Variants in DHRSX observed in about 807,000 individuals in gnomAD.
DHRSX encodes the protein polyprenol dehydrogenase.
A neutral mutation model predicts 34.0 loss-of-function variants in DHRSX; 31 were observed. That is an observed-to-expected ratio of 0.91 (90% confidence interval 0.69 to 1.23). The LOEUF (loss-of-function observed/expected upper bound fraction) is 1.23, where lower values mean the gene tolerates loss of function less well. DHRSX is among the 50% of genes most tolerant of loss of function. The pLI, the probability that DHRSX is intolerant of heterozygous loss-of-function variation, is 0.00. For synonymous variants in DHRSX, 201 were observed against 183.8 expected (o/e 1.09, Z -0.76); for missense variants, 414 against 428.1 (o/e 0.97, Z 0.29).
At chrX:2,488,936 AG>A in intron 1 of DHRSX, 1 of 1,598,862 alleles carries the variant, frequency 6.3e-7, no homozygotes. Context: ...GAAGAGGGCC[AG>A]GCGGTCTGAC....
intron 6 of DHRSX, among the ~76,000 whole-genome samples, chrX:2,232,386 A>G (rs1282899001): frequency 1.3e-5 from 2 of 152,100 alleles, no homozygotes; most frequent in Non-Finnish European, 2.9e-5. Flanking sequence ...TAGAGCATTC[A>G]TATGGAATTA....
At chrX:2,452,242 T>C (rs2044231730) in intron 1 of DHRSX, among the ~76,000 whole-genome samples, 2 of 151,216 alleles carry the variant, frequency 1.3e-5, no homozygotes. Flanking sequence ...TGCTGCCATG[T>C]GCACATTGAA....
At chrX:2,253,984 C>T (rs1403577571) in intron 5 of DHRSX, among the ~76,000 whole-genome samples, 1 of 152,016 alleles carries the variant, frequency 6.6e-6, no homozygotes, top group Non-Finnish European at 1.5e-5. Flanking sequence ...TGGCGTGAAC[C>T]CGGAAGGCGG....
intron 3 of DHRSX, among the ~76,000 whole-genome samples, chrX:2,338,467 G>T (rs2042598106): frequency 6.6e-6 from 1 of 151,964 alleles, no homozygotes; most frequent in African/African-American, 2.4e-5. Context: ...AGGTTAAAAT[G>T]TAAGCCTCAG....
chrX:2,478,501 C>A (rs979057311), intron 1 of DHRSX, among the ~76,000 whole-genome samples: 2 of 151,658 alleles, frequency 1.3e-5, no homozygotes, highest in African/African-American at 4.8e-5. Context: ...CAAGGGACTG[C>A]ACTAAAGATG....
intron 3 of DHRSX, among the ~76,000 whole-genome samples, chrX:2,303,809 ATGGGTGGG>A: frequency 2.8e-5 from 1 of 36,212 alleles, no homozygotes; most frequent in South Asian, 8.4e-4. Flanking sequence ...GGGTGGGTGG[ATGGGTGGG>A]TGGATGGGTG....
At chrX:2,469,277 A>C in intron 1 of DHRSX, among the ~76,000 whole-genome samples, 1 of 144,704 alleles carries the variant, frequency 6.9e-6, no homozygotes, top group African/African-American at 2.6e-5. Flanking sequence ...AGGGACTGCC[A>C]CCGTGTACAC....
chrX:2,449,131 G>A (rs2044181359), intron 1 of DHRSX, among the ~76,000 whole-genome samples: 1 of 151,854 alleles, frequency 6.6e-6, no homozygotes, highest in South Asian at 2.1e-4. Flanking sequence ...GGAGGTTGCA[G>A]TGAGCTAAGA....
Position 2,221,061 on chromosome X carries a change from C to T in DHRSX, c.973G>A (p.Val325Ile). Residue 325 changes from valine (V) to isoleucine (I), a missense_variant, in exon 7 of 7, where the codon GTC becomes ATC. Physicochemically the swap from Val to Ile is conservative, Grantham distance 29. Coordinates refer to ENST00000334651, the MANE Select transcript of DHRSX (RefSeq NM_145177.3). ...GGATATCACAGGGTCACATCAAGGA[C>T]CCCAGTCATCTCACAACTCTTAGAC... The part of the protein sequence containing the change: ...LWSKSCEMTG[V>I]LDVTL 6.2e-7 allele frequency: 1 copy of T among 1,613,820 alleles called. No homozygotes were observed. The highest frequency in any genetic ancestry group is 8.5e-7 in the Non-Finnish European group (1 of 1,179,814).
intron 3 of DHRSX, among the ~76,000 whole-genome samples, chrX:2,319,949 G>A (rs779148315): frequency 1.4e-4 from 21 of 151,544 alleles, no homozygotes; most frequent in African/African-American, 4.1e-4. Flanking sequence ...CTGCCTCAGC[G>A]TCATGAGTAG....
In DHRSX at chrX:2,445,637, G is replaced by T. The variant is rs186282994; in HGVS notation, c.110-20333C>A. 2.4e-3 allele frequency among the ~76,000 whole-genome samples: 364 copies of T among 152,084 alleles called. 2 individuals carry two copies. The highest frequency in any genetic ancestry group is 8.3e-3 in the African/African-American group (344 of 41,504). The stretch of plus-strand genomic sequence containing the variant: ...CAAGGAAGAGGTTCCCTAAGAATGC[G>T]GCCAAGGGACCACCGCCATGTACAC... On this transcript the variant is annotated intron_variant, in intron 1 of 6. Transcript: ENST00000334651.
At chrX:2,481,827 AC>A (rs67784730) in intron 1 of DHRSX, among the ~76,000 whole-genome samples, 45,966 of 151,738 alleles carry the variant, frequency 0.3, 7,504 homozygotes, top group African/African-American at 0.41. Context: ...CCTAACACAC[AC>A]CATGGCAGGG....
At chrX:2,342,234 G>A (rs1000048346) in intron 3 of DHRSX, among the ~76,000 whole-genome samples, 18 of 152,104 alleles carry the variant, frequency 1.2e-4, no homozygotes, top group Non-Finnish European at 2.2e-4. Flanking sequence ...GAAAATAAAT[G>A]CTGAGATGAG....
chrX:2,318,403 A>G (rs2042266455), intron 3 of DHRSX, among the ~76,000 whole-genome samples: 1 of 152,042 alleles, frequency 6.6e-6, no homozygotes, highest in Admixed American at 6.6e-5. Flanking sequence ...GACCACTGGC[A>G]TGAGAGGAGG....
At chrX:2,394,769 G>A (rs1297384023) in intron 3 of DHRSX, among the ~76,000 whole-genome samples, 1 of 152,178 alleles carries the variant, frequency 6.6e-6, no homozygotes, top group Non-Finnish European at 1.5e-5. Flanking sequence ...AGTAGGCTGA[G>A]GCGGGAGAAT....
chrX:2,404,826 T>A (rs1164241929), intron 3 of DHRSX, among the ~76,000 whole-genome samples: 1 of 151,992 alleles, frequency 6.6e-6, no homozygotes, highest in Non-Finnish European at 1.5e-5. Flanking sequence ...TCGGTACAAA[T>A]AAATAATTAA....
intron 1 of DHRSX, among the ~76,000 whole-genome samples, chrX:2,455,138 C>T (rs1052568371): frequency 6.6e-6 from 1 of 151,756 alleles, no homozygotes; most frequent in Non-Finnish European, 1.5e-5. Flanking sequence ...GGATGATGTC[C>T]TTTGCAGGAA....
At chrX:2,319,159 T>A (rs968786973) in intron 3 of DHRSX, among the ~76,000 whole-genome samples, 2 of 151,894 alleles carry the variant, frequency 1.3e-5, no homozygotes, top group Non-Finnish European at 2.9e-5. Context: ...ACTGAGCAGA[T>A]TCACCCATTT....
chrX:2,426,086 C>G (rs1455297877), intron 1 of DHRSX, among the ~76,000 whole-genome samples: 1 of 152,026 alleles, frequency 6.6e-6, no homozygotes, highest in African/African-American at 2.4e-5. Context: ...ATATGAAAGA[C>G]AGGTTCATAG....
Sources: gnomAD v4.1 joint callset for allele counts (sites outside exome capture counted in the v4.1 genomes callset) on GRCh38, gnomAD v4.1.1 for gene constraint, MANE v1.5 for transcripts, NCBI Gene and HGNC (gene_info 2026-07-23, HGNC 2026-07-21) for gene names.